MYCBP2: variants seen among roughly 807,000 people sequenced by gnomAD.
The protein encoded by MYCBP2 is E3 ubiquitin-protein ligase MYCBP2.
In MYCBP2, 120 loss-of-function variants were observed where a neutral mutation model predicts 525.3. That is an observed-to-expected ratio of 0.23 (90% CI 0.20 to 0.27). The LOEUF is 0.27. MYCBP2 is among the 10% of genes least tolerant of loss of function. The pLI, the probability that MYCBP2 is intolerant of heterozygous loss-of-function variation, is 1.00. For synonymous variants in MYCBP2, 1,894 were observed against 1,955.8 expected, an observed-to-expected ratio of 0.97 and a Z score of 0.83; for missense variants, 4,149 against 5,657.1, an observed-to-expected ratio of 0.73 and a Z score of 8.55.
At chr13:77,134,606 TAAAAAGGGC>T (rs1007518449) in intron 52 of MYCBP2, among the ~76,000 whole-genome samples, 5 of 151,138 alleles carry the variant, frequency 3.3e-5, no homozygotes, top group African/African-American at 4.9e-5. Context: ...AAAAGTGTTC[TAAAAAGGGC>T]AAAAAGTTCT....
At position 77,097,668 on chromosome 13, in the gene MYCBP2, A is replaced by G. The variant is rs781500625; in HGVS notation, c.9486T>C (p.His3162=). 2.2e-5 allele frequency: 35 copies of G among 1,613,632 alleles called. No individual in the cohort carries two copies. The highest frequency in any genetic ancestry group is 3.3e-5 in the Admixed American group (2 of 59,916). The change falls in exon 56 of 83, where the codon CAT becomes CAC. Residue 3162 remains histidine, a synonymous_variant. Transcript: ENST00000544440. ...SKSPLPLTLQ[H]LVAFWEDISL... is the part of the protein sequence containing the mutation. ...AGATGTCTTCCCAAAAAGCCACTAA[A>G]TGTTGTAAAGTTAAGGGAAGAGGAG...
At chr13:77,183,869 T>G (rs1382094641) in intron 32 of MYCBP2, among the ~76,000 whole-genome samples, 1 of 152,134 alleles carries the variant, frequency 6.6e-6, no homozygotes, top group Non-Finnish European at 1.5e-5. Context: ...CACTTTTGAT[T>G]ATGGTATTTC....
chr13:77,076,638 C>T (rs2154096869), intron 68 of MYCBP2, 113 bp downstream of exon 68: 2 of 590,330 alleles, frequency 3.4e-6, no homozygotes, highest in African/African-American at 1.9e-5. Flanking sequence ...CAAATATGAA[C>T]TGCATAAAAC....
chr13:77,103,715 C>T (rs1385478255), intron 55 of MYCBP2, among the ~76,000 whole-genome samples: 1 of 151,916 alleles, frequency 6.6e-6, no homozygotes, highest in African/African-American at 2.4e-5. Flanking sequence ...TTATATTACT[C>T]ATGGCTTAAC....
At position 77,176,642 on chromosome 13, in the gene MYCBP2, AT is replaced by A. The variant is rs756045067; in HGVS notation, c.5341-15del. 6.1e-6 allele frequency: 9 copies of A among 1,478,074 alleles called. No homozygotes were observed. Among genetic ancestry groups the A allele is most frequent in the Middle Eastern group, 1.8e-4 (1 of 5,512 alleles). 91.6% of individuals were successfully genotyped at this position (1,478,074 alleles called of 1,614,324 possible). Reference sequence around the variant, plus strand: ...TGCATGTTCACTCTAAAAAAAAAAAATGAAACACAAAAATTCCAACAGACTC... The same window carrying A: ...TGCATGTTCACTCTAAAAAAAAAAAAGAAACACAAAAATTCCAACAGACTC... On this transcript the variant is annotated splice_polypyrimidine_tract_variant and intron_variant, in intron 35 of 82. Transcript: ENST00000544440.
chr13:77,154,060 C>T (rs1362323408), intron 46 of MYCBP2, among the ~76,000 whole-genome samples: 1 of 152,112 alleles, frequency 6.6e-6, no homozygotes, highest in Non-Finnish European at 1.5e-5. Flanking sequence ...TTAGCTATTA[C>T]TGCATAAAGA....
At chr13:77,075,359 A>C (rs778075850) in intron 68 of MYCBP2, among the ~76,000 whole-genome samples, 8 of 152,188 alleles carry the variant, frequency 5.3e-5, no homozygotes, top group Non-Finnish European at 1.0e-4. Context: ...TCTCTTAAAA[A>C]TCATGTTATT....
Position 77,263,423 on chromosome 13 carries a change from T to C in MYCBP2, c.1570+228A>G, listed in dbSNP as rs116498760. Among the ~76,000 whole-genome samples, 1,322 of 152,138 alleles carry C rather than the reference T, an allele frequency of 8.7e-3. 20 individuals are homozygous for C. The highest frequency in any genetic ancestry group is 0.03 in the African/African-American group (1,231 of 41,538). On this transcript the variant is annotated intron_variant, in intron 10 of 82. Transcript: ENST00000544440. ...TCTATTCAAAGCAAAAAAGAGAAAT[T>C]ATTAGTCAATTCCTTAGAATGGTCT...
intron 1 of MYCBP2, among the ~76,000 whole-genome samples, chr13:77,321,435 T>A (rs1183335679): frequency 6.6e-6 from 1 of 152,238 alleles, no homozygotes; most frequent in Non-Finnish European, 1.5e-5. Flanking sequence ...ACAGATTCAA[T>A]CCCGCATTAC....
intron 1 of MYCBP2, among the ~76,000 whole-genome samples, chr13:77,321,022 G>A (rs751920273): frequency 8.4e-4 from 128 of 152,312 alleles, no homozygotes; most frequent in Middle Eastern, 3.4e-3. Context: ...GTCTATACTT[G>A]ACTGTGGTGA....
rs1358969568 is a variant in MYCBP2 at position 77,326,546 on chromosome 13, T to C, written c.230A>G (p.Tyr77Cys). Reference protein sequence around the residue: ...LLSGRALADRYRRIYTAALND... With the variant: ...LLSGRALADRCRRIYTAALND... ...GAGCGCAGCGGTATAAATCCTCCGG[T>C]AGCGGTCGGCCAGGGCCCGGCCTGA... Residue 77 changes from tyrosine (Y) to cysteine (C), a missense_variant, in exon 1 of 83, where the codon TAC becomes TGC. Physicochemically the swap from Tyr to Cys is radical, Grantham distance 194. Around this residue, in one of 21 missense-constraint regions of MYCBP2, gnomAD observed 413 missense variants for 451.2 expected, o/e 0.92. Coordinates refer to ENST00000544440, the MANE Select transcript of MYCBP2 (RefSeq NM_015057.5). This position sits in a 1 kb window ranked among gnomAD's most constrained non-coding sequence, Gnocchi z 4.2. 2 of 1,597,382 alleles carry C rather than the reference T, an allele frequency of 1.3e-6. No homozygotes were observed. Among genetic ancestry groups the C allele is most frequent in the Non-Finnish European group, 1.7e-6 (2 of 1,172,544 alleles).
At chr13:77,213,050 T>A (rs891829358) in intron 21 of MYCBP2, among the ~76,000 whole-genome samples, 1 of 152,244 alleles carries the variant, frequency 6.6e-6, no homozygotes, top group African/African-American at 2.4e-5. Context: ...TGAGCTTCAA[T>A]CCCTGGACAG....
chr13:77,148,513 C>G (rs776970459), intron 47 of MYCBP2, among the ~76,000 whole-genome samples: 2 of 152,032 alleles, frequency 1.3e-5, no homozygotes, highest in East Asian at 1.9e-4. Context: ...TTCCTTGACT[C>G]TGAAATTTCT....
At chr13:77,315,959 G>C (rs2080888804) in intron 1 of MYCBP2, among the ~76,000 whole-genome samples, 1 of 151,266 alleles carries the variant, frequency 6.6e-6, no homozygotes, top group South Asian at 2.1e-4. Flanking sequence ...AGGAATACTA[G>C]GGAATATCTT....
At position 77,140,428 on chromosome 13, in the gene MYCBP2, TAAG is replaced by T. The variant is rs2054433615; in HGVS notation, c.7402-268_7402-266del. On this transcript the variant is annotated intron_variant, in intron 50 of 82. Transcript: ENST00000544440. ...ATTTCTAAATACTGAAGATACGTGTTAAGAAGGATAAAAACCATTTCTTTCTGT... is the reference window on the plus strand; with the variant it reads ...ATTTCTAAATACTGAAGATACGTGTTAAGGATAAAAACCATTTCTTTCTGT... 7.2e-5 allele frequency among the ~76,000 whole-genome samples: 11 copies of T among 152,352 alleles called. No homozygotes were observed. In the South Asian group the frequency reaches 2.3e-3, roughly 32 times the overall value.
intron 15 of MYCBP2, 130 bp from the exon 16 acceptor site, chr13:77,244,081 T>G: frequency 1.0e-6 from 1 of 993,270 alleles, no homozygotes; most frequent in Non-Finnish European, 1.4e-6. Context: ...AAATCACCTC[T>G]TTAGATCACG....
rs2069184107 is a variant in MYCBP2 at position 77,243,177 on chromosome 13, A to C, written c.2528-17T>G. 1 of 1,509,018 alleles carries C rather than the reference A, an allele frequency of 6.6e-7. No homozygotes were observed. The highest frequency in any genetic ancestry group is 9.2e-7 in the Non-Finnish European group (1 of 1,084,158). 93.5% of individuals were successfully genotyped at this position (1,509,018 alleles called of 1,614,324 possible). A position where few individuals can be genotyped will look rare whatever the true frequency, so the allele number is the denominator to read the frequency against. ...CTGGGACAGCTAGATGATTGGCCAA[A>C]AACAACAACAACAACAACATATATG... On this transcript the variant is annotated splice_polypyrimidine_tract_variant and intron_variant, in intron 16 of 82. Coordinates refer to ENST00000544440, the MANE Select transcript of MYCBP2 (RefSeq NM_015057.5).
intron 24 of MYCBP2, among the ~76,000 whole-genome samples, chr13:77,206,148 T>C (rs2063310511): frequency 1.3e-5 from 2 of 152,022 alleles, no homozygotes; most frequent in South Asian, 4.1e-4. Context: ...TAGAGTGATA[T>C]AAAATTTCCA....
In MYCBP2 at chr13:77,121,282, C is replaced by T. The variant is rs192589111; in HGVS notation, c.8140+91G>A. ...ACAAATTTTAATTTAATAAAGATTT[C>T]TGGGTGAACACAAATAAAAAGTGTA... On this transcript the variant is annotated intron_variant, in intron 55 of 82. Coordinates refer to ENST00000544440, the MANE Select transcript of MYCBP2 (RefSeq NM_015057.5). 10 of 1,154,562 alleles carry T rather than the reference C, an allele frequency of 8.7e-6. No individual in the cohort carries two copies. The African/African-American group carries it at 1.6e-4, about 18-fold the overall frequency. 71.5% of individuals were successfully genotyped at this position (1,154,562 alleles called of 1,614,324 possible).
Sources: gnomAD v4.1 joint callset for allele counts (sites outside exome capture counted in the v4.1 genomes callset) on GRCh38, gnomAD v4.1.1 for gene constraint, gnomAD v4.1.1 regional missense constraint, Gnocchi (gnomAD v3.1) non-coding constraint, MANE v1.5 for transcripts, NCBI Gene and HGNC (gene_info 2026-07-23, HGNC 2026-07-21) for gene names.